Variants in RB1CC1 observed in about 807,000 individuals in gnomAD.
RB1CC1 encodes the protein RB1 inducible coiled-coil 1, also known as RB1-inducible coiled-coil protein 1.
A neutral mutation model predicts 177.5 loss-of-function variants in RB1CC1; 46 were observed. The observed-to-expected ratio is 0.26, with a 90% CI of 0.20 to 0.33. The LOEUF (loss-of-function observed/expected upper bound fraction) is 0.33, where lower values mean the gene tolerates loss of function less well. Ranked by LOEUF, RB1CC1 falls within the 10% of genes least tolerant of loss-of-function variation. The pLI is 1.00. For missense variants in RB1CC1, 1,703 were observed against 1,816.3 expected (o/e 0.94, Z 1.13); for synonymous variants, 666 against 613.6 (o/e 1.09, Z -1.26).
In RB1CC1 at chr8:52,647,401, G is replaced by T. The variant is rs373798384; in HGVS notation, c.3822-1534C>A. ...ATTCCATAATATAATTAATTAAGGC[G>T]AAGGATTTACTTTTAAAGTTTCTCC... On this transcript the variant is annotated intron_variant, in intron 15 of 23. Transcript: ENST00000025008. Among the ~76,000 whole-genome samples, 4 of 152,188 alleles carry T rather than the reference G, an allele frequency of 2.6e-5. No individual in the cohort carries two copies. In the South Asian group the frequency reaches 8.3e-4, roughly 32 times the overall value.
At chr8:52,667,038 G>A (rs1489506771) in intron 8 of RB1CC1, among the ~76,000 whole-genome samples, 1 of 152,056 alleles carries the variant, frequency 6.6e-6, no homozygotes, top group Non-Finnish European at 1.5e-5. Context: ...CCCAAAGTAG[G>A]ATAAATACAA....
intron 3 of RB1CC1, 94 bp downstream of exon 3, chr8:52,685,305 C>T (rs2150602950): frequency 3.1e-6 from 3 of 968,492 alleles, no homozygotes; most frequent in Non-Finnish European, 4.7e-6. Context: ...CACCCGGCCG[C>T]CATTATCCTA....
rs1851198400 is a variant in RB1CC1 at position 52,657,689 on chromosome 8, T to C, written c.2140A>G (p.Ile714Val). The C allele has an allele frequency of 6.8e-6, 11 of 1,614,138 alleles. No homozygotes were observed. Among genetic ancestry groups the C allele is most frequent in the Non-Finnish European group, 9.3e-6 (11 of 1,179,992 alleles). Residue 714 changes from isoleucine to valine, a missense_variant, in exon 15 of 24, where the codon ATT (isoleucine) becomes GTT (valine). Physicochemically the swap from Ile to Val is conservative, Grantham distance 29. Coordinates refer to ENST00000025008, the MANE Select transcript of RB1CC1 (RefSeq NM_014781.5). ...TIPHPNIEQT[I>V]HQVSLDLDSL... ...TCCAAGTCTAAAGAAACTTGGTGAA[T>C]AGTCTGTTCTATGTTTGGATGGGGA...
intron 8 of RB1CC1, among the ~76,000 whole-genome samples, chr8:52,662,726 T>C (rs1337331637): frequency 6.6e-6 from 1 of 152,088 alleles, no homozygotes; most frequent in African/African-American, 2.4e-5. Flanking sequence ...TTGAATGATA[T>C]ATACTGAAGT....
chr8:52,642,227 G>T, intron 18 of RB1CC1, 124 bp downstream of exon 18: 1 of 1,277,528 alleles, frequency 7.8e-7, no homozygotes, highest in Non-Finnish European at 1.1e-6. Flanking sequence ...AATTAAAATA[G>T]CACAACTTTC....
intron 8 of RB1CC1, 31 bp downstream of exon 8, chr8:52,667,990 C>T (rs894359525): frequency 3.8e-6 from 6 of 1,581,490 alleles, no homozygotes; most frequent in African/African-American, 1.4e-5. Flanking sequence ...ACTATAAATT[C>T]CTTTTCCTGA....
rs781091715 is a variant in RB1CC1 at position 52,641,412 on chromosome 8, A to G, written c.4337+939T>C. On this transcript the variant is annotated intron_variant, in intron 18 of 23. Transcript: ENST00000025008. ...AAAAAAAAAAAAAAAAAATTAAAAT[A>G]AAATAAAATAAAATATTAATGCCCA... 9.9e-5 allele frequency among the ~76,000 whole-genome samples: 15 copies of G among 151,040 alleles called. No individual in the cohort carries two copies. In the East Asian group the frequency reaches 2.9e-3, roughly 29 times the overall value.
chr8:52,669,586 T>C (rs1003076155), intron 7 of RB1CC1, among the ~76,000 whole-genome samples: 2 of 152,224 alleles, frequency 1.3e-5, no homozygotes, highest in African/African-American at 4.8e-5. Context: ...AAAACCATTA[T>C]TTCAGAATAG....
In RB1CC1 at chr8:52,661,119, T is replaced by C. The variant is rs1279650526; in HGVS notation, c.1521A>G (p.Lys507=). The change falls in exon 10 of 24, where the codon AAA becomes AAG. Residue 507 remains lysine (K), a synonymous_variant. Transcript: ENST00000025008. ...CLAVVEVVRR[K]MFIKHYREWA... ...CCTCCCTGTAGTGTTTTATGAACATTTTTCTTCTTACAACCTCAACAACAG... is the reference window on the plus strand; with the variant it reads ...CCTCCCTGTAGTGTTTTATGAACATCTTTCTTCTTACAACCTCAACAACAG... 2 of 1,613,426 alleles carry C rather than the reference T, an allele frequency of 1.2e-6. No homozygotes were observed. The highest frequency in any genetic ancestry group is 1.3e-5 in the African/African-American group (1 of 74,982).
rs542474889 is a variant in RB1CC1, at chr8:52,628,586, G to A, written c.4500-418C>T. Among the ~76,000 whole-genome samples the A allele has an allele frequency of 4.6e-5, 7 of 152,248 alleles. No individual in the cohort carries two copies. In the East Asian group the frequency reaches 1.4e-3, roughly 29 times the overall value. ...AAATTAGATCTTGTCTCCAAGCGTA[G>A]TGCTCTTCAATTTACAAGAAAAAGC... is the stretch of plus-strand genomic sequence containing the variant. On this transcript the variant is annotated intron_variant, in intron 21 of 23. Coordinates refer to ENST00000025008, the MANE Select transcript of RB1CC1 (RefSeq NM_014781.5).
At chr8:52,694,631 G>A (rs1855208472) in intron 1 of RB1CC1, among the ~76,000 whole-genome samples, 1 of 152,136 alleles carries the variant, frequency 6.6e-6, no homozygotes, top group Non-Finnish European at 1.5e-5. Context: ...CCACTTCAGT[G>A]AGAGCTGCAC....
In RB1CC1 at chr8:52,706,482, T is replaced by C. The variant is rs538584446; in HGVS notation, c.-167+7593A>G. ...GCCTCCGCCTCCCAGGTTCAAGAGA[T>C]TCTCCTTTGGGAGGCCGAGGCAGGC... is the stretch of plus-strand genomic sequence containing the variant. On this transcript the variant is annotated intron_variant, in intron 1 of 23. Coordinates refer to ENST00000025008, the MANE Select transcript of RB1CC1 (RefSeq NM_014781.5). Among the ~76,000 whole-genome samples the C allele has an allele frequency of 7.3e-5, 11 of 151,652 alleles. No individual in the cohort carries two copies. The Middle Eastern group carries it at 0.014, about 188-fold the overall frequency.
chr8:52,705,675 A>G (rs1856481029), intron 1 of RB1CC1, among the ~76,000 whole-genome samples: 1 of 152,192 alleles, frequency 6.6e-6, no homozygotes, highest in Non-Finnish European at 1.5e-5. Context: ...TTTAAAAACT[A>G]TCAATGGAGG....
In RB1CC1 at chr8:52,656,750, GATTA is replaced by G. The variant is rs1851115677; in HGVS notation, c.3075_3078del (p.Asn1026LysfsTer20). 6 of 1,613,524 alleles carry G rather than the reference GATTA, an allele frequency of 3.7e-6. No homozygotes were observed. Among genetic ancestry groups the G allele is most frequent in the East Asian group, 2.2e-5 (1 of 44,858 alleles). On this transcript the variant is annotated frameshift_variant, in exon 15 of 24. Coordinates refer to ENST00000025008, the MANE Select transcript of RB1CC1 (RefSeq NM_014781.5). LOFTEE classifies it high-confidence loss of function. ...ATTTCAGCATGAGATTCTTGTATTT[GATTA>G]ATTATTTGTTGGTTTTCCTTTTTTA...
chr8:52,628,007 AT>A, intron 22 of RB1CC1, 24 bp downstream of exon 22: 2 of 1,536,542 alleles, frequency 1.3e-6, no homozygotes, highest in Non-Finnish European at 8.7e-7. Flanking sequence ...CCAGGTTTAT[AT>A]TTTAGTCATG....
intron 1 of RB1CC1, among the ~76,000 whole-genome samples, chr8:52,692,476 A>G (rs1854966207): frequency 6.6e-6 from 1 of 152,226 alleles, no homozygotes; most frequent in African/African-American, 2.4e-5. Context: ...AACTGTATGA[A>G]GTATATGATA....
intron 21 of RB1CC1, among the ~76,000 whole-genome samples, chr8:52,629,200 C>T (rs1848593391): frequency 1.3e-5 from 2 of 151,862 alleles, no homozygotes; most frequent in African/African-American, 2.4e-5. Context: ...TATCTGACAA[C>T]CAAAAATGTG....
chr8:52,698,872 A>G (rs1170243724), intron 1 of RB1CC1, among the ~76,000 whole-genome samples: 5 of 150,880 alleles, frequency 3.3e-5, no homozygotes, highest in Non-Finnish European at 5.9e-5. Context: ...TTGTATTTTT[A>G]GTAAGGCAGG....
intron 22 of RB1CC1, among the ~76,000 whole-genome samples, chr8:52,627,708 A>G (rs1270420268): frequency 6.6e-6 from 1 of 152,194 alleles, no homozygotes; most frequent in African/African-American, 2.4e-5. Flanking sequence ...TTTTATATAA[A>G]CAAATAAGCA....
Sources: allele counts gnomAD v4.1 joint callset (sites outside exome capture counted in the v4.1 genomes callset), GRCh38; gene constraint gnomAD v4.1.1; transcripts MANE v1.5; gene names NCBI Gene and HGNC (gene_info 2026-07-23, HGNC 2026-07-21).